GLI3: variants seen among roughly 807,000 people sequenced by gnomAD.
GLI3 encodes the protein transcription activator GLI3.
A neutral mutation model predicts 100.8 loss-of-function variants in GLI3; 20 were observed. That is an observed-to-expected ratio of 0.20 (90% CI 0.14 to 0.29). The LOEUF (loss-of-function observed/expected upper bound fraction) is 0.29. Among genes scored for constraint, GLI3 ranks in the 10% least tolerant of loss-of-function variants. The pLI, the probability that GLI3 is intolerant of heterozygous loss-of-function variation, is 1.00. For synonymous variants in GLI3, 938 were observed against 860.5 expected, an observed-to-expected ratio of 1.09 and a Z score of -1.58; for missense variants, 2,040 against 2,128.5, an observed-to-expected ratio of 0.96 and a Z score of 0.82.
At chr7:41,991,511 A>G (rs1787987135) in intron 10 of GLI3, among the ~76,000 whole-genome samples, 1 of 152,234 alleles carries the variant, frequency 6.6e-6, no homozygotes, top group Admixed American at 6.5e-5. Flanking sequence ...CATACACGCA[A>G]TATGAGTATC....
chr7:42,139,873 C>A (rs535263522), intron 3 of GLI3, among the ~76,000 whole-genome samples: 2 of 152,278 alleles, frequency 1.3e-5, no homozygotes, highest in African/African-American at 4.8e-5. Flanking sequence ...TGATTGGGAA[C>A]CCAAAGGTCT....
chr7:42,077,197 G>C (rs976578988), intron 3 of GLI3, among the ~76,000 whole-genome samples: 4 of 151,992 alleles, frequency 2.6e-5, no homozygotes, highest in Non-Finnish European at 5.9e-5. Context: ...AAAGCCAAGG[G>C]GAAGAGATTA....
intron 3 of GLI3, among the ~76,000 whole-genome samples, chr7:42,085,218 T>G (rs977512872): frequency 2.0e-5 from 3 of 151,944 alleles, no homozygotes; most frequent in Non-Finnish European, 2.9e-5. Flanking sequence ...GACCCTGGAG[T>G]CAATAGGATC....
chr7:42,137,574 C>T (rs1412040418), intron 3 of GLI3, among the ~76,000 whole-genome samples: 1 of 152,112 alleles, frequency 6.6e-6, no homozygotes, highest in Non-Finnish European at 1.5e-5. Flanking sequence ...CTTTCCCTGC[C>T]CCACCCACCT....
chr7:42,108,966 C>T (rs560357596), intron 3 of GLI3, among the ~76,000 whole-genome samples: 101 of 152,054 alleles, frequency 6.6e-4, no homozygotes, highest in Non-Finnish European at 1.2e-3. Flanking sequence ...GGAAGTCTGA[C>T]GCCATCACCC....
intron 7 of GLI3, 129 bp from the exon 8 acceptor site, chr7:42,026,541 A>T (rs1789119325): frequency 1.3e-6 from 1 of 757,158 alleles, no homozygotes; most frequent in Admixed American, 2.0e-5. Flanking sequence ...AGAAGGTAGG[A>T]TTATTGCCAA....
intron 7 of GLI3, among the ~76,000 whole-genome samples, chr7:42,031,103 A>C (rs769728846): frequency 6.6e-6 from 1 of 152,060 alleles, no homozygotes; most frequent in South Asian, 2.1e-4. Flanking sequence ...TGTGCTTCCC[A>C]TCCTCATAGC....
At chr7:42,051,337 A>G (rs148142220) in intron 4 of GLI3, among the ~76,000 whole-genome samples, 26 of 152,298 alleles carry the variant, frequency 1.7e-4, no homozygotes, top group Middle Eastern at 3.4e-3. Context: ...TAAAGGTCCA[A>G]TGGGGAAGAT....
intron 4 of GLI3, among the ~76,000 whole-genome samples, chr7:42,060,235 G>A (rs1045803050): frequency 4.6e-5 from 7 of 152,180 alleles, no homozygotes; most frequent in African/African-American, 1.4e-4. Context: ...AGAGCTCTGG[G>A]TTGGTTAAGG....
chr7:41,971,897 C>T (rs1201539267), intron 13 of GLI3, among the ~76,000 whole-genome samples: 1 of 152,168 alleles, frequency 6.6e-6, no homozygotes, highest in Non-Finnish European at 1.5e-5. Context: ...TGTGTGTAAG[C>T]CTCCATCACA....
In GLI3 at chr7:41,964,977, C is replaced by A. The variant is rs755242942; in HGVS notation, c.4096G>T (p.Gly1366Trp). 9 of 1,613,784 alleles carry A rather than the reference C, an allele frequency of 5.6e-6. No individual in the cohort carries two copies. Among genetic ancestry groups the A allele is most frequent in the Non-Finnish European group, 7.6e-6 (9 of 1,180,046 alleles). ...IYQGPESCLP[G>W]AHGMGSQPSS... ...GGCTGGCTGCCCATGCCGTGAGCCCCTGGCAGGCAGCTCTCTGGCCCTTGG... is the reference window on the plus strand; with the variant it reads ...GGCTGGCTGCCCATGCCGTGAGCCCATGGCAGGCAGCTCTCTGGCCCTTGG... The change falls in exon 15 of 15, where the codon GGG becomes TGG. Residue 1366 changes from glycine (G) to tryptophan (W), a missense_variant. Physicochemically the swap from Gly to Trp is radical, Grantham distance 184 (BLOSUM62 -2). Transcript: ENST00000395925.
upstream of GLI3, among the ~76,000 whole-genome samples, chr7:42,237,300 C>G (rs1228084076): frequency 6.6e-6 from 1 of 151,876 alleles, no homozygotes; most frequent in African/African-American, 2.4e-5. Flanking sequence ...CCGATCCCTT[C>G]TGACTCACAA....
At chr7:42,132,493 C>T (rs1786316033) in intron 3 of GLI3, among the ~76,000 whole-genome samples, 1 of 152,142 alleles carries the variant, frequency 6.6e-6, no homozygotes. Context: ...AAGAGAGCTT[C>T]AAGGTTTCTT....
At chr7:42,243,208 C>T (rs1463167413) in intron 1 of GLI3, among the ~76,000 whole-genome samples, 2 of 152,072 alleles carry the variant, frequency 1.3e-5, no homozygotes, top group Non-Finnish European at 2.9e-5. Flanking sequence ...CATAGGATCT[C>T]GGAGGCACAA....
chr7:42,106,643 G>C (rs1490490659), intron 3 of GLI3, among the ~76,000 whole-genome samples: 1 of 152,186 alleles, frequency 6.6e-6, no homozygotes. Flanking sequence ...CACAAAATGA[G>C]AACAAGAAGG....
chr7:42,156,577 C>T (rs775889825), intron 2 of GLI3, among the ~76,000 whole-genome samples: 13 of 152,184 alleles, frequency 8.5e-5, no homozygotes, highest in South Asian at 2.1e-4. Flanking sequence ...ACGAGATCCA[C>T]GGCCAACAGT....
intron 3 of GLI3, among the ~76,000 whole-genome samples, chr7:42,145,129 G>A (rs1346278850): frequency 6.6e-6 from 1 of 152,136 alleles, no homozygotes; most frequent in African/African-American, 2.4e-5. Flanking sequence ...CATTAGCTTT[G>A]CCTGGATAAT....
chr7:42,053,665 T>C (rs943660179), intron 4 of GLI3, among the ~76,000 whole-genome samples: 5 of 152,194 alleles, frequency 3.3e-5, no homozygotes, highest in East Asian at 1.9e-4. Flanking sequence ...CTTTCGGTCT[T>C]TGTGGCAGTC....
chr7:42,258,962 C>T (rs1789112949), intron 1 of GLI3, among the ~76,000 whole-genome samples: 3 of 152,174 alleles, frequency 2.0e-5, no homozygotes. Context: ...ATTTTTCAGA[C>T]TGCAGTTGAA....
Sources: gnomAD v4.1 joint callset for allele counts (sites outside exome capture counted in the v4.1 genomes callset) on GRCh38, gnomAD v4.1.1 for gene constraint, MANE v1.5 for transcripts, NCBI Gene and HGNC (gene_info 2026-07-23, HGNC 2026-07-21) for gene names.